RNF150: variants seen among roughly 807,000 people sequenced by gnomAD.
RNF150 encodes ring finger protein 150.
A neutral mutation model predicts 39.3 loss-of-function variants in RNF150; 24 were observed. The observed-to-expected ratio is 0.61, with a 90% confidence interval of 0.44 to 0.86. The LOEUF (loss-of-function observed/expected upper bound fraction) is 0.86. RNF150 is among the 40% of genes least tolerant of loss of function. The pLI is 0.00. For synonymous variants in RNF150, 255 were observed against 227.3 expected (o/e 1.12, Z -1.10); for missense variants, 502 against 587.8 (o/e 0.85, Z 1.51).
chr4:141,081,360 T>C (rs547022810), intron 1 of RNF150, among the ~76,000 whole-genome samples: 3 of 152,216 alleles, frequency 2.0e-5, no homozygotes, highest in Non-Finnish European at 2.9e-5. Flanking sequence ...ATGCTACTGA[T>C]AGAGAGCAGG....
At position 141,143,051 on chromosome 4, in the gene RNF150, G is replaced by A. The variant is rs569680130; in HGVS notation, c.-6+69743C>T. Among the ~76,000 whole-genome samples the A allele has an allele frequency of 1.7e-3, 251 of 152,032 alleles. 2 individuals are homozygous for A. Among genetic ancestry groups the A allele is most frequent in the Middle Eastern group, 3.4e-3 (1 of 294 alleles). On this transcript the variant is annotated intron_variant, in intron 1 of 7. Coordinates refer to the RNF150 transcript ENST00000420921. ...TGCACAGATAATTTTTTGTATTTTA[G>A]TAGATACGGGGTTTCACCGTGTTGC...
At chr4:140,967,519 TG>T in intron 2 of RNF150, 103 bp downstream of exon 2, 1 of 800,772 alleles carries the variant, frequency 1.2e-6, no homozygotes, top group Non-Finnish European at 2.0e-6. Flanking sequence ...TTATCTTGAG[TG>T]GGGATATTTT....
chr4:141,210,606 G>A (rs1015458664), intron 1 of RNF150, among the ~76,000 whole-genome samples: 2 of 151,880 alleles, frequency 1.3e-5, no homozygotes, highest in Non-Finnish European at 2.9e-5. Flanking sequence ...TGTATTGGAA[G>A]GGATTTTTTA....
At chr4:141,027,021 G>A (rs1313817991) in intron 1 of RNF150, among the ~76,000 whole-genome samples, 3 of 152,304 alleles carry the variant, frequency 2.0e-5, no homozygotes, top group Non-Finnish European at 2.9e-5. Context: ...CTGAAGAGGG[G>A]TTCCTTACAG....
intron 2 of RNF150, among the ~76,000 whole-genome samples, chr4:140,957,410 G>T (rs1223017342): frequency 3.3e-5 from 5 of 152,102 alleles, no homozygotes; most frequent in Non-Finnish European, 7.4e-5. Context: ...AACAGGTGCT[G>T]GAGAGGATGT....
intron 1 of RNF150, among the ~76,000 whole-genome samples, chr4:141,080,099 A>G (rs1396393037): frequency 2.6e-5 from 4 of 152,234 alleles, no homozygotes; most frequent in Non-Finnish European, 4.4e-5. Context: ...TAGTATTTGA[A>G]CAAACAAAAA....
At chr4:141,137,143 A>G (rs1727040434), upstream of RNF150, among the ~76,000 whole-genome samples, 1 of 152,234 alleles carries the variant, frequency 6.6e-6, no homozygotes, top group African/African-American at 2.4e-5. Flanking sequence ...AGTGAAGAAA[A>G]TAAGATCAGA....
chr4:141,108,950 A>T (rs1739300891), intron 1 of RNF150, among the ~76,000 whole-genome samples: 1 of 152,200 alleles, frequency 6.6e-6, no homozygotes, highest in Non-Finnish European at 1.5e-5. Context: ...AAACTTAAAT[A>T]TATGATTTTG....
rs190341493 is a variant in RNF150, at chr4:140,921,216, G to A, written c.987+4761C>T. ...ATAATAATAATATAATTGATAGACC[G>A]CTAGCAAGACTAATAAAGAAGAAAA... On this transcript the variant is annotated intron_variant, in intron 5 of 6. Transcript: ENST00000515673. Among the ~76,000 whole-genome samples, 565 of 151,004 alleles carry A rather than the reference G, an allele frequency of 3.7e-3. 8 individuals carry two copies. Among genetic ancestry groups the A allele is most frequent in the African/African-American group, 0.013 (535 of 41,070 alleles).
chr4:141,010,098 G>GC (rs1735021853), intron 1 of RNF150, among the ~76,000 whole-genome samples: 7 of 152,330 alleles, frequency 4.6e-5, no homozygotes, highest in African/African-American at 1.7e-4. Flanking sequence ...GAAAGACAAT[G>GC]AGCACTTGCA....
At chr4:141,096,444 C>T (rs926985113) in intron 1 of RNF150, among the ~76,000 whole-genome samples, 2 of 151,880 alleles carry the variant, frequency 1.3e-5, no homozygotes, top group Middle Eastern at 3.2e-3. Flanking sequence ...GCAATCCGCC[C>T]GCCTCGGCCT....
intron 1 of RNF150, among the ~76,000 whole-genome samples, chr4:140,971,559 A>G (rs1733466530): frequency 6.6e-6 from 1 of 152,014 alleles, no homozygotes; most frequent in South Asian, 2.1e-4. Flanking sequence ...GCTATTATGT[A>G]ATTATTGTGT....
chr4:141,071,270 A>T (rs1308186634), intron 1 of RNF150, among the ~76,000 whole-genome samples: 1 of 148,430 alleles, frequency 6.7e-6, no homozygotes, highest in Non-Finnish European at 1.5e-5. Context: ...ATTGGGAGAT[A>T]TACCTAATGC....
chr4:141,005,135 G>C (rs975575329), intron 1 of RNF150, among the ~76,000 whole-genome samples: 1 of 152,158 alleles, frequency 6.6e-6, no homozygotes, highest in African/African-American at 2.4e-5. Context: ...TTGCCCACTG[G>C]GACAGATGGT....
intron 6 of RNF150, among the ~76,000 whole-genome samples, chr4:140,894,759 G>A (rs1187884434): frequency 6.6e-6 from 1 of 152,126 alleles, no homozygotes; most frequent in Admixed American, 6.5e-5. Context: ...GTTTATTTTT[G>A]TCCGGCCTGC....
intron 1 of RNF150, among the ~76,000 whole-genome samples, chr4:141,093,413 C>T (rs1299924833): frequency 8.2e-4 from 104 of 127,456 alleles, no homozygotes; most frequent in African/African-American, 2.9e-3. Context: ...AAGCTGAAGC[C>T]CCAGCAGGGC....
intron 6 of RNF150, among the ~76,000 whole-genome samples, chr4:140,879,635 C>T (rs140802907): frequency 3.0e-4 from 46 of 151,866 alleles, no homozygotes; most frequent in Non-Finnish European, 1.8e-4. Flanking sequence ...CCAGCCTGGG[C>T]AACATAGCAA....
chr4:141,162,950 C>T (rs1291526468), intron 1 of RNF150, among the ~76,000 whole-genome samples: 1 of 152,194 alleles, frequency 6.6e-6, no homozygotes, highest in Non-Finnish European at 1.5e-5. Flanking sequence ...TGCCAGCAGA[C>T]AGAATTGTTC....
At chr4:140,952,068 G>A (rs1178762067) in intron 2 of RNF150, among the ~76,000 whole-genome samples, 2 of 152,054 alleles carry the variant, frequency 1.3e-5, no homozygotes, top group Non-Finnish European at 2.9e-5. Context: ...GGAGTGCAGT[G>A]GTGCGATCTC....
Sources: allele counts gnomAD v4.1 joint callset (sites outside exome capture counted in the v4.1 genomes callset), GRCh38; gene constraint gnomAD v4.1.1; transcripts MANE v1.5; gene names NCBI Gene and HGNC (gene_info 2026-07-23, HGNC 2026-07-21).